FNBP1L: variants seen among roughly 807,000 people sequenced by gnomAD.
FNBP1L encodes formin binding protein 1 like, also known as formin-binding protein 1-like.
Under a neutral mutation model 91.2 loss-of-function variants are expected in FNBP1L, and 36 were observed. The observed-to-expected ratio is 0.39, with a 90% confidence interval of 0.30 to 0.52. FNBP1L has a LOEUF of 0.52. Among genes scored for constraint, FNBP1L ranks in the 20% least tolerant of loss-of-function variants. The probability of loss-of-function intolerance (pLI) is 0.66; values close to 1 mark genes in which losing one functional copy is unlikely to be tolerated. For missense variants in FNBP1L, 571 were observed against 732.1 expected, an observed-to-expected ratio of 0.78 and a Z score of 2.54; for synonymous variants, 242 against 237.0, an observed-to-expected ratio of 1.02 and a Z score of -0.19.
At chr1:93,515,583 C>T (rs1328248636) in intron 2 of FNBP1L, among the ~76,000 whole-genome samples, 9 of 151,878 alleles carry the variant, frequency 5.9e-5, no homozygotes, top group African/African-American at 1.9e-4. Flanking sequence ...TACTATGTAG[C>T]CATAAAAAAT....
Position 93,456,777 on chromosome 1 carries a change from C to CA in FNBP1L, c.24+8486dup, listed in dbSNP as rs113415152. Among the ~76,000 whole-genome samples, 1,304 of 132,072 alleles carry CA rather than the reference C, an allele frequency of 9.9e-3. 16 individuals carry two copies. Among genetic ancestry groups the CA allele is most frequent in the African/African-American group, 0.022 (796 of 35,974 alleles). The allele number at this position is 132,072 out of a possible 152,430, so 86.6% of individuals were successfully genotyped here. Reference sequence around the variant, plus strand: ...TGGGTGATAGAGCAAGACCCTGTCTCAAAAAAAAAAAAAATCGTTGCTTTT... The same window carrying CA: ...TGGGTGATAGAGCAAGACCCTGTCTCAAAAAAAAAAAAAAATCGTTGCTTTT... On this transcript the variant is annotated intron_variant, in intron 1 of 16. Coordinates refer to ENST00000271234, the MANE Select transcript of FNBP1L (RefSeq NM_001164473.3).
At chr1:93,453,477 A>G (rs1460867892) in intron 1 of FNBP1L, among the ~76,000 whole-genome samples, 1 of 151,866 alleles carries the variant, frequency 6.6e-6, no homozygotes, top group Non-Finnish European at 1.5e-5. Context: ...TTTTGGCTGG[A>G]AACTTTAAAA....
chr1:93,480,582 CTTAATTTTTTTTTTT>C (rs1266896952), intron 1 of FNBP1L, among the ~76,000 whole-genome samples: 8 of 151,468 alleles, frequency 5.3e-5, no homozygotes, highest in Non-Finnish European at 8.8e-5. Flanking sequence ...CTTAGAGTCT[CTTAATTTTTTTTTTT>C]TTAATTTTTT....
intron 1 of FNBP1L, 32 bp downstream of exon 1, chr1:93,448,337 C>T (rs1030229908): frequency 8.8e-6 from 13 of 1,482,974 alleles, no homozygotes; most frequent in Non-Finnish European, 1.2e-5. Flanking sequence ...CCCGCACGGA[C>T]CCCGGCCCCT....
chr1:93,472,402 T>C (rs1669319025), intron 1 of FNBP1L, among the ~76,000 whole-genome samples: 1 of 152,314 alleles, frequency 6.6e-6, no homozygotes, highest in African/African-American at 2.4e-5. Flanking sequence ...CAGAGTGATA[T>C]AAATTCAGAT....
intron 2 of FNBP1L, among the ~76,000 whole-genome samples, chr1:93,508,765 C>A (rs1473010515): frequency 6.6e-6 from 1 of 152,142 alleles, no homozygotes; most frequent in African/African-American, 2.4e-5. Flanking sequence ...ACTCATAATT[C>A]TTCCAAGTAT....
chr1:93,552,337 A>C, intron 16 of FNBP1L, 72 bp from the exon 17 acceptor site: 9 of 1,550,202 alleles, frequency 5.8e-6, no homozygotes, highest in Non-Finnish European at 7.8e-6. Context: ...AGGCACTTTA[A>C]ACTGAACACC....
chr1:93,543,990 G>GTAGCATTAATAA, intron 11 of FNBP1L, 117 bp from the exon 12 acceptor site: 1 of 568,118 alleles, frequency 1.8e-6, no homozygotes, highest in Non-Finnish European at 2.7e-6. Context: ...GGGGTTGCTT[G>GTAGCATTAATAA]AGGCAAATTT....
intron 12 of FNBP1L, among the ~76,000 whole-genome samples, chr1:93,545,234 C>T (rs1272870133): frequency 1.3e-5 from 2 of 151,978 alleles, no homozygotes; most frequent in Non-Finnish European, 2.9e-5. Context: ...ACACCAATAT[C>T]AACAAAAAGC....
At chr1:93,490,945 T>C (rs1670071423) in intron 1 of FNBP1L, among the ~76,000 whole-genome samples, 1 of 152,304 alleles carries the variant, frequency 6.6e-6, no homozygotes, top group South Asian at 2.1e-4. Flanking sequence ...TATTATTTAC[T>C]TAATTATTTT....
At chr1:93,519,150 TA>T (rs1671232011) in intron 2 of FNBP1L, among the ~76,000 whole-genome samples, 2 of 152,222 alleles carry the variant, frequency 1.3e-5, no homozygotes, top group Non-Finnish European at 2.9e-5. Context: ...AGTGTTTGGG[TA>T]ACCAGGATTA....
In FNBP1L at chr1:93,551,102, A is replaced by G. The variant is rs770668831; in HGVS notation, c.1807A>G (p.Lys603Glu). Residue 603 changes from lysine (K) to glutamate (E), a missense_variant, in exon 16 of 17, where the codon AAA becomes GAA. Lys to Glu is a moderately conservative substitution (Grantham distance 56, BLOSUM62 1). Around this residue, in one of 5 missense-constraint regions of FNBP1L, gnomAD observed 189 missense variants for 219.7 expected, o/e 0.86. Transcript: ENST00000271234. The stretch of plus-strand genomic sequence containing the variant: ...AGATGTAACTCTAGAGAAAAACAGT[A>G]AAGGTGCAGTAACTTATATCTAAAC... ...YIDVTLEKNS[K>E]GS 2 of 1,606,160 alleles carry G rather than the reference A, an allele frequency of 1.2e-6. No individual in the cohort carries two copies. Among genetic ancestry groups the G allele is most frequent in the African/African-American group, 1.3e-5 (1 of 74,748 alleles).
At chr1:93,454,925 A>G (rs966561005) in intron 1 of FNBP1L, among the ~76,000 whole-genome samples, 23 of 151,442 alleles carry the variant, frequency 1.5e-4, no homozygotes, top group African/African-American at 5.1e-4. Context: ...TTATTTATTT[A>G]TTTATTTATT....
intron 1 of FNBP1L, among the ~76,000 whole-genome samples, chr1:93,482,563 T>A (rs1298515037): frequency 6.6e-6 from 1 of 152,196 alleles, no homozygotes; most frequent in Non-Finnish European, 1.5e-5. Flanking sequence ...TGTATTCATT[T>A]ACAATACTGT....
intron 5 of FNBP1L, among the ~76,000 whole-genome samples, chr1:93,529,099 A>G (rs911515480): frequency 2.6e-5 from 4 of 152,040 alleles, no homozygotes; most frequent in African/African-American, 9.7e-5. Flanking sequence ...CCCAAGCTAC[A>G]TTGGATCTCA....
At chr1:93,472,022 A>C (rs1326562268) in intron 1 of FNBP1L, among the ~76,000 whole-genome samples, 1 of 152,216 alleles carries the variant, frequency 6.6e-6, no homozygotes, top group Non-Finnish European at 1.5e-5. Flanking sequence ...AAATCTGGAC[A>C]ATCATTAGAA....
chr1:93,452,148 T>G (rs913643821), intron 1 of FNBP1L, among the ~76,000 whole-genome samples: 1 of 152,222 alleles, frequency 6.6e-6, no homozygotes, highest in Non-Finnish European at 1.5e-5. Flanking sequence ...AGATTGTCCT[T>G]GAGTGTAGAA....
At chr1:93,547,638 T>C (rs1672284987) in intron 14 of FNBP1L, among the ~76,000 whole-genome samples, 197 bp downstream of exon 14, 1 of 152,158 alleles carries the variant, frequency 6.6e-6, no homozygotes, top group African/African-American at 2.4e-5. Context: ...TATTCAATCC[T>C]AGTTTGTCAT....
At chr1:93,496,202 T>G (rs1670252877) in intron 1 of FNBP1L, among the ~76,000 whole-genome samples, 1 of 151,848 alleles carries the variant, frequency 6.6e-6, no homozygotes, top group Admixed American at 6.6e-5. Context: ...TAAATATTAA[T>G]TTTTTCCTTC....
Sources: allele counts gnomAD v4.1 joint callset (sites outside exome capture counted in the v4.1 genomes callset), GRCh38; gene constraint gnomAD v4.1.1; regional missense constraint gnomAD v4.1.1; transcripts MANE v1.5; gene names NCBI Gene and HGNC (gene_info 2026-07-23, HGNC 2026-07-21).